The following LINGO1 variants were observed in gnomAD, a reference collection of about 807,000 sequenced individuals.
LINGO1 encodes the protein leucine rich repeat and Ig domain containing 1.
In LINGO1, 11 loss-of-function variants were observed where a neutral mutation model predicts 37.3. That is an observed-to-expected ratio of 0.29 (90% CI 0.19 to 0.49). The LOEUF (loss-of-function observed/expected upper bound fraction) is 0.49. Among genes scored for constraint, LINGO1 ranks in the 20% least tolerant of loss-of-function variants. LINGO1 has a pLI of 0.99. For missense variants in LINGO1, 585 were observed against 878.2 expected (o/e 0.67, Z 4.22); for synonymous variants, 387 against 403.0 (o/e 0.96, Z 0.48).
chr15:77,703,548 G>GCA (rs1213888062), intron 2 of LINGO1, among the ~76,000 whole-genome samples: 3 of 152,152 alleles, frequency 2.0e-5, no homozygotes, highest in African/African-American at 4.8e-5. Flanking sequence ...AGGAGGGGTG[G>GCA]CAATCTTCCC....
At chr15:77,633,629 T>A (rs551557377), upstream of LINGO1, among the ~76,000 whole-genome samples, 9 of 152,260 alleles carry the variant, frequency 5.9e-5, no homozygotes, top group African/African-American at 2.2e-4. Context: ...GGCAGGCCTC[T>A]CTGGCCCGCT....
At chr15:77,813,033 G>A (rs954037214) in intron 1 of LINGO1, among the ~76,000 whole-genome samples, 1 of 152,196 alleles carries the variant, frequency 6.6e-6, no homozygotes, top group Non-Finnish European at 1.5e-5. Flanking sequence ...CCCCAGGCAC[G>A]CCCAAGGAAC....
At chr15:77,623,896 G>T (rs1440564751) in intron 1 of LINGO1, among the ~76,000 whole-genome samples, 1 of 148,082 alleles carries the variant, frequency 6.8e-6, no homozygotes, top group Non-Finnish European at 1.5e-5. Context: ...AGTGATGTGT[G>T]TGTGGTCTCT....
At chr15:77,690,666 A>G (rs2141249517) in intron 2 of LINGO1, 2 of 152,358 alleles carry the variant, frequency 1.3e-5, no homozygotes, top group Admixed American at 1.3e-4. Flanking sequence ...GGGATCAAGA[A>G]GGCTTGGGTA....
chr15:77,718,087 C>T (rs2076006577), intron 2 of LINGO1, among the ~76,000 whole-genome samples: 1 of 150,856 alleles, frequency 6.6e-6, no homozygotes, highest in South Asian at 2.1e-4. Flanking sequence ...GCGCCATCCC[C>T]CATGGGAGCA....
intron 1 of LINGO1, among the ~76,000 whole-genome samples, chr15:77,740,161 T>G (rs979862974): frequency 6.6e-6 from 1 of 152,018 alleles, no homozygotes; most frequent in African/African-American, 2.4e-5. Flanking sequence ...GCATGGACAG[T>G]GTGGTCAGGG....
rs143405934 is a variant in LINGO1 at position 77,664,170 on chromosome 15, T to TGC, written c.-13+12917_-13+12918dup. Among the ~76,000 whole-genome samples, 807 of 130,958 alleles carry TGC rather than the reference T, an allele frequency of 6.2e-3. 6 individuals are homozygous for TGC. Among genetic ancestry groups the TGC allele is most frequent in the Admixed American group, 0.011 (148 of 14,074 alleles). 85.9% of individuals were successfully genotyped at this position (130,958 alleles called of 152,430 possible). ...GTGTGTGTGTGTGTGTGTGTGTGTGTGCGCGCGCGCATGCGTTTGCATTCT... is the reference window on the plus strand; with the variant it reads ...GTGTGTGTGTGTGTGTGTGTGTGTGTGCGCGCGCGCGCATGCGTTTGCATTCT... On this transcript the variant is annotated intron_variant, in intron 3 of 3. Transcript: ENST00000559893.
At chr15:77,628,659 T>G (rs2074164156) in intron 1 of LINGO1, among the ~76,000 whole-genome samples, 1 of 152,156 alleles carries the variant, frequency 6.6e-6, no homozygotes, top group South Asian at 2.1e-4. Flanking sequence ...GGTGTTTAAG[T>G]TGGAGAGTAG....
intron 1 of LINGO1, among the ~76,000 whole-genome samples, chr15:77,774,186 GAGTGTGCAC>G (rs2076613748): frequency 6.6e-6 from 1 of 152,100 alleles, no homozygotes; most frequent in African/African-American, 2.4e-5. Context: ...AGAGGGTGGT[GAGTGTGCAC>G]GGAGGAAGTT....
intron 2 of LINGO1, among the ~76,000 whole-genome samples, chr15:77,794,278 ATATATATATATGTATG>A (rs58478727): frequency 0.042 from 4,021 of 96,068 alleles, 590 homozygotes; most frequent in African/African-American, 0.069. Flanking sequence ...AAACATATAC[ATATATATATATGTATG>A]TATATATATA....
intron 3 of LINGO1, among the ~76,000 whole-genome samples, chr15:77,654,419 C>T (rs1044290886): frequency 3.3e-5 from 5 of 152,122 alleles, no homozygotes; most frequent in South Asian, 2.1e-4. Flanking sequence ...CTTAATCCAT[C>T]GGATGCCAAG....
At position 77,618,178 on chromosome 15, in the gene LINGO1, C is replaced by G. The variant is rs185816155; in HGVS notation, c.7-2278G>C. Among the ~76,000 whole-genome samples the G allele has an allele frequency of 1.8e-3, 267 of 152,330 alleles. 1 individual carries two copies. The highest frequency in any genetic ancestry group is 0.011 in the Admixed American group (172 of 15,308). On this transcript the variant is annotated intron_variant, in intron 1 of 1. Transcript: ENST00000355300. ...GGGCCAGGCTGGCGGGTGGGGGGAG[C>G]TGCTGGAGAGAAGGCTGGGGAATGA...
chr15:77,797,454 G>C (rs971270581), intron 1 of LINGO1, among the ~76,000 whole-genome samples: 1 of 152,214 alleles, frequency 6.6e-6, no homozygotes, highest in Non-Finnish European at 1.5e-5. Flanking sequence ...TGTGATTTCC[G>C]GATGTGTGCT....
At chr15:77,783,840 T>G (rs1434037342) in intron 1 of LINGO1, among the ~76,000 whole-genome samples, 1 of 152,116 alleles carries the variant, frequency 6.6e-6, no homozygotes, top group Non-Finnish European at 1.5e-5. Flanking sequence ...TTTTCCTCGG[T>G]GCTGGACCCA....
At chr15:77,809,551 A>C (rs1019276736) in intron 1 of LINGO1, among the ~76,000 whole-genome samples, 19 of 152,116 alleles carry the variant, frequency 1.2e-4, no homozygotes, top group African/African-American at 4.1e-4. Context: ...CCCCGCCCCG[A>C]CCCGATTCCT....
At chr15:77,661,706 A>T (rs1294432734) in intron 3 of LINGO1, among the ~76,000 whole-genome samples, 3 of 152,064 alleles carry the variant, frequency 2.0e-5, no homozygotes, top group Non-Finnish European at 2.9e-5. Context: ...TCTTTCCCCT[A>T]CTGATCGCCC....
intron 3 of LINGO1, chr15:77,660,044 A>G (rs567350127): frequency 2.0e-5 from 3 of 152,246 alleles, no homozygotes; most frequent in Admixed American, 2.0e-4. Context: ...ACTATGCTCC[A>G]GGAAGAGATC....
At chr15:77,664,170 T>TGTGTGTGCGCGCGCGTGCGC in intron 3 of LINGO1, among the ~76,000 whole-genome samples, 16 of 130,946 alleles carry the variant, frequency 1.2e-4, no homozygotes, top group Non-Finnish European at 2.2e-4. Flanking sequence ...TGTGTGTGTG[T>TGTGTGTGCGCGCGCGTGCGC]GCGCGCGCGC....
At chr15:77,804,921 G>A (rs2076947789) in intron 1 of LINGO1, among the ~76,000 whole-genome samples, 2 of 152,232 alleles carry the variant, frequency 1.3e-5, no homozygotes, top group Admixed American at 1.3e-4. Context: ...CCCAAGGGCT[G>A]GATGGGAGTG....
Sources: gnomAD v4.1 joint callset for allele counts (sites outside exome capture counted in the v4.1 genomes callset) on GRCh38, gnomAD v4.1.1 for gene constraint, MANE v1.5 for transcripts, NCBI Gene and HGNC (gene_info 2026-07-23, HGNC 2026-07-21) for gene names.